FAM81A: variants seen among roughly 807,000 people sequenced by gnomAD.
The protein encoded by FAM81A is protein FAM81A.
Under a neutral mutation model 46.7 loss-of-function variants are expected in FAM81A, and 19 were observed. The observed-to-expected ratio is 0.41, with a 90% CI of 0.28 to 0.60. FAM81A has a LOEUF of 0.60. Among genes scored for constraint, FAM81A ranks in the 20% least tolerant of loss-of-function variants. The pLI is 0.34. For synonymous variants in FAM81A, 183 were observed against 152.9 expected, an observed-to-expected ratio of 1.20 and a Z score of -1.45; for missense variants, 377 against 453.5, an observed-to-expected ratio of 0.83 and a Z score of 1.53.
chr15:59,510,777 CAAAAAAAAAAAAA>C (rs71119479), intron 6 of FAM81A, among the ~76,000 whole-genome samples: 22 of 25,782 alleles, frequency 8.5e-4, no homozygotes, highest in African/African-American at 3.1e-3. Flanking sequence ...GACCCTGTCT[CAAAAAAAAAAAAA>C]AAAAAAAAAA....
In FAM81A at chr15:59,459,971, C is replaced by G. The variant is rs766348949; in HGVS notation, c.59C>G (p.Thr20Ser). Residue 20 changes from threonine (T) to serine (S), a missense_variant, in exon 3 of 9, where the codon ACC becomes AGC. Coordinates refer to ENST00000288228, the MANE Select transcript of FAM81A (RefSeq NM_152450.3). ...ATGCCCCGACACAGCCAGTCCCTGA[C>G]CATGGCACCATACTCATCTGTAAGC... ...RTMPRHSQSL[T>S]MAPYSSVSLV... is the part of the protein sequence containing the mutation. 6.2e-7 allele frequency: 1 copy of G among 1,611,358 alleles called. No homozygotes were observed. The highest frequency in any genetic ancestry group is 1.1e-5 in the South Asian group (1 of 90,638).
intron 2 of FAM81A, among the ~76,000 whole-genome samples, chr15:59,413,794 T>C (rs2081133351): frequency 6.6e-6 from 1 of 152,214 alleles, no homozygotes; most frequent in African/African-American, 2.4e-5. Flanking sequence ...GGTAGATGGC[T>C]GTTTTCATTT....
chr15:59,441,871 A>T (rs897342579), intron 1 of FAM81A, among the ~76,000 whole-genome samples: 10 of 151,990 alleles, frequency 6.6e-5, no homozygotes, highest in African/African-American at 1.9e-4. Context: ...CCCCTGCCCC[A>T]GCCTCACCTC....
At chr15:59,417,749 A>AT (rs1292500141) in intron 2 of FAM81A, among the ~76,000 whole-genome samples, 39 of 151,418 alleles carry the variant, frequency 2.6e-4, no homozygotes, top group Non-Finnish European at 3.4e-4. Context: ...AAATAAAAAG[A>AT]TTTTTTTTGC....
intron 2 of FAM81A, among the ~76,000 whole-genome samples, chr15:59,413,746 C>T (rs2081133071): frequency 6.6e-6 from 1 of 151,920 alleles, no homozygotes; most frequent in Non-Finnish European, 1.5e-5. Flanking sequence ...ATAGTGAGAC[C>T]CCTGTCTCTA....
intron 4 of FAM81A, among the ~76,000 whole-genome samples, chr15:59,503,205 C>T (rs970441477): frequency 1.5e-5 from 2 of 134,446 alleles, no homozygotes; most frequent in African/African-American, 5.8e-5. Context: ...CACTGCACTC[C>T]AGCCTGGGCA....
chr15:59,514,778 C>T (rs561009571), intron 7 of FAM81A, among the ~76,000 whole-genome samples: 1 of 152,014 alleles, frequency 6.6e-6, no homozygotes, highest in Non-Finnish European at 1.5e-5. Context: ...TGCTTTTTTG[C>T]CTGGTGTTGA....
At chr15:59,398,649 T>A (rs1372041942) in intron 1 of FAM81A, among the ~76,000 whole-genome samples, 1 of 149,096 alleles carries the variant, frequency 6.7e-6, no homozygotes, top group Non-Finnish European at 1.5e-5. Context: ...TCCCAGCTAT[T>A]CAGGAGGCTG....
chr15:59,469,864 T>G (rs2081662785), intron 3 of FAM81A, among the ~76,000 whole-genome samples: 1 of 152,204 alleles, frequency 6.6e-6, no homozygotes, highest in African/African-American at 2.4e-5. Context: ...CGGTTGTTCC[T>G]TTCCATGTTT....
At chr15:59,512,832 G>T (rs892451425) in intron 6 of FAM81A, among the ~76,000 whole-genome samples, 1 of 152,332 alleles carries the variant, frequency 6.6e-6, no homozygotes, top group East Asian at 1.9e-4. Flanking sequence ...AGAGTCCAGG[G>T]CAGAAGCTTT....
At chr15:59,480,260 T>G (rs1183144612) in intron 3 of FAM81A, among the ~76,000 whole-genome samples, 1 of 152,192 alleles carries the variant, frequency 6.6e-6, no homozygotes, top group Non-Finnish European at 1.5e-5. Context: ...CTCTAGGTGA[T>G]TTGAAATTAT....
intron 3 of FAM81A, among the ~76,000 whole-genome samples, chr15:59,469,160 G>A (rs976766915): frequency 6.6e-6 from 1 of 152,230 alleles, no homozygotes; most frequent in Non-Finnish European, 1.5e-5. Context: ...TAAGTGTGAT[G>A]TGGTGCTGAG....
At chr15:59,421,970 G>A (rs1227834022) in intron 2 of FAM81A, among the ~76,000 whole-genome samples, 5 of 151,776 alleles carry the variant, frequency 3.3e-5, no homozygotes, top group African/African-American at 1.2e-4. Context: ...TTTTGACCAG[G>A]AAAGGAAAAG....
chr15:59,462,366 T>G (rs2081563216), intron 3 of FAM81A, among the ~76,000 whole-genome samples: 1 of 152,192 alleles, frequency 6.6e-6, no homozygotes, highest in Non-Finnish European at 1.5e-5. Context: ...TAGTGGTATC[T>G]CATTGTGGTT....
upstream of FAM81A, among the ~76,000 whole-genome samples, chr15:59,436,994 G>A (rs1431429926): frequency 1.3e-5 from 2 of 152,170 alleles, no homozygotes; most frequent in Non-Finnish European, 2.9e-5. Context: ...CTAGCACTTG[G>A]CAGCCATCCA....
chr15:59,505,714 C>T (rs931955474), intron 4 of FAM81A, among the ~76,000 whole-genome samples: 1 of 152,152 alleles, frequency 6.6e-6, no homozygotes, highest in African/African-American at 2.4e-5. Flanking sequence ...ATAAATGACT[C>T]TCACTGTCAG....
At chr15:59,445,346 G>C (rs1253074042) in intron 1 of FAM81A, 1 of 152,088 alleles carries the variant, frequency 6.6e-6, no homozygotes, top group East Asian at 1.9e-4. Flanking sequence ...GGTTGCTTTC[G>C]CATTATGGAA....
At chr15:59,404,810 G>A (rs1023957915) in intron 2 of FAM81A, among the ~76,000 whole-genome samples, 2 of 152,182 alleles carry the variant, frequency 1.3e-5, no homozygotes, top group Admixed American at 6.5e-5. Context: ...TTGCTATACT[G>A]TTCAAAACTC....
At chr15:59,399,413 C>T (rs1014135968) in intron 1 of FAM81A, among the ~76,000 whole-genome samples, 12 of 151,640 alleles carry the variant, frequency 7.9e-5, no homozygotes, top group African/African-American at 2.7e-4. Flanking sequence ...GTTCTTGTAC[C>T]AAGAAAAAAA....
Sources: gnomAD v4.1 joint callset for allele counts (sites outside exome capture counted in the v4.1 genomes callset) on GRCh38, gnomAD v4.1.1 for gene constraint, MANE v1.5 for transcripts, NCBI Gene and HGNC (gene_info 2026-07-23, HGNC 2026-07-21) for gene names.